Variants in OSBPL10 observed in about 807,000 individuals in gnomAD.
The protein encoded by OSBPL10 is oxysterol binding protein like 10, also known as oxysterol-binding protein-related protein 10.
In OSBPL10, 49 loss-of-function variants were observed where a neutral mutation model predicts 81.7. The observed-to-expected ratio is 0.60, with a 90% CI of 0.48 to 0.76. The LOEUF is 0.76. Among genes scored for constraint, OSBPL10 ranks in the 30% least tolerant of loss-of-function variants. The pLI, the probability that OSBPL10 is intolerant of heterozygous loss-of-function variation, is 0.00. For missense variants in OSBPL10, 923 were observed against 987.8 expected (o/e 0.93, Z 0.88); for synonymous variants, 419 against 383.6 (o/e 1.09, Z -1.08).
intron 2 of OSBPL10, among the ~76,000 whole-genome samples, chr3:32,034,418 G>A (rs975743953): frequency 1.3e-4 from 19 of 147,196 alleles, no homozygotes; most frequent in African/African-American, 4.8e-4. Context: ...TCCAGCCTCG[G>A]TGACAGAGCG....
At chr3:31,991,197 G>T (rs753901570) in intron 2 of OSBPL10, 1 of 551,126 alleles carries the variant, frequency 1.8e-6, no homozygotes, top group Non-Finnish European at 3.2e-6. Flanking sequence ...TGTAATCCCA[G>T]CACTGTGGGA....
At chr3:31,744,019 C>T (rs918291646) in intron 5 of OSBPL10, among the ~76,000 whole-genome samples, 3 of 152,194 alleles carry the variant, frequency 2.0e-5, no homozygotes, top group African/African-American at 7.2e-5. Flanking sequence ...ATTTTAACTG[C>T]AGCCAACTAT....
intron 1 of OSBPL10, among the ~76,000 whole-genome samples, chr3:31,891,695 GC>G: frequency 6.6e-6 from 1 of 152,284 alleles, no homozygotes; most frequent in Middle Eastern, 3.4e-3. Context: ...GGGTGCCAGT[GC>G]CACGGAAATA....
At chr3:31,794,838 G>A in intron 4 of OSBPL10, 1 of 368,820 alleles carries the variant, frequency 2.7e-6, no homozygotes, top group Non-Finnish European at 5.4e-6. Context: ...ACAGGAGTGG[G>A]GCATGTGGGA....
rs561423564 is a variant in OSBPL10 at position 31,763,444 on chromosome 3, A to G, written c.730-15324T>C. ...ACCTTTGTTCACTCATACTCCACACACATATCTCAAAGAACCTCTAAGTGT... is the reference window on the plus strand; with the variant it reads ...ACCTTTGTTCACTCATACTCCACACGCATATCTCAAAGAACCTCTAAGTGT... On this transcript the variant is annotated intron_variant, in intron 4 of 11. Coordinates refer to ENST00000396556, the MANE Select transcript of OSBPL10 (RefSeq NM_017784.5). 1.2e-4 allele frequency among the ~76,000 whole-genome samples: 18 copies of G among 152,318 alleles called. No homozygotes were observed. In the South Asian group the frequency reaches 3.7e-3, roughly 32 times the overall value.
chr3:31,889,069 T>A (rs1418966224), intron 1 of OSBPL10, among the ~76,000 whole-genome samples: 1 of 152,118 alleles, frequency 6.6e-6, no homozygotes. Context: ...TCACTAATCA[T>A]TAGGAAAATG....
intron 1 of OSBPL10, among the ~76,000 whole-genome samples, chr3:31,910,607 G>A (rs1696546678): frequency 6.6e-6 from 1 of 151,910 alleles, no homozygotes; most frequent in African/African-American, 2.4e-5. Context: ...CTGCACTCCA[G>A]TCTGGGGGAC....
chr3:31,802,672 A>C (rs1002452140), intron 4 of OSBPL10, among the ~76,000 whole-genome samples: 2 of 151,706 alleles, frequency 1.3e-5, no homozygotes, highest in African/African-American at 4.8e-5. Flanking sequence ...TCCAGCTCTT[A>C]GTAGGGCATT....
intron 4 of OSBPL10, among the ~76,000 whole-genome samples, chr3:31,802,394 C>A (rs1472825718): frequency 2.0e-5 from 3 of 149,176 alleles, no homozygotes; most frequent in Non-Finnish European, 1.5e-5. Context: ...CCCATCTCTA[C>A]TAAAAAAAAA....
intron 7 of OSBPL10, among the ~76,000 whole-genome samples, chr3:31,686,774 TC>T (rs1700802014): frequency 6.6e-6 from 1 of 152,162 alleles, no homozygotes; most frequent in African/African-American, 2.4e-5. Context: ...CTCTATTACT[TC>T]CTATGCCTTT....
intron 4 of OSBPL10, among the ~76,000 whole-genome samples, chr3:31,750,730 T>C (rs941031984): frequency 6.6e-6 from 1 of 152,138 alleles, no homozygotes; most frequent in Non-Finnish European, 1.5e-5. Context: ...CATGATGCAT[T>C]ATGTTTTTAT....
intron 8 of OSBPL10, among the ~76,000 whole-genome samples, chr3:31,675,745 A>C (rs1700452256): frequency 6.9e-6 from 1 of 145,686 alleles, no homozygotes. Flanking sequence ...GGAGATCAAG[A>C]CCATCCTGGC....
chr3:32,070,851 C>T (rs939892778), intron 1 of OSBPL10, among the ~76,000 whole-genome samples: 6 of 152,102 alleles, frequency 3.9e-5, no homozygotes, highest in African/African-American at 1.4e-4. Flanking sequence ...TTCACTCTTC[C>T]CCTACACCCC....
chr3:31,783,712 A>G (rs1698763257), intron 4 of OSBPL10, among the ~76,000 whole-genome samples: 1 of 143,294 alleles, frequency 7.0e-6, no homozygotes, highest in Non-Finnish European at 1.5e-5. Context: ...AATCATTTGA[A>G]CCTGAGAGGC....
upstream of OSBPL10, among the ~76,000 whole-genome samples, chr3:31,983,077 C>T (rs964305270): frequency 6.6e-6 from 1 of 152,202 alleles, no homozygotes; most frequent in African/African-American, 2.4e-5. Flanking sequence ...ACAGCAGATC[C>T]TAAGCCAGTT....
intron 4 of OSBPL10, among the ~76,000 whole-genome samples, chr3:31,804,230 A>G (rs947629062): frequency 3.3e-5 from 5 of 152,210 alleles, no homozygotes; most frequent in African/African-American, 1.2e-4. Context: ...TTATATCAAC[A>G]CGAATCATGT....
intron 1 of OSBPL10, among the ~76,000 whole-genome samples, chr3:31,937,578 A>C (rs1288580114): frequency 6.6e-6 from 1 of 152,018 alleles, no homozygotes; most frequent in African/African-American, 2.4e-5. Context: ...TCCTGTCCAA[A>C]GTTCAAGCCC....
At chr3:31,897,725 C>T (rs1416416994) in intron 1 of OSBPL10, among the ~76,000 whole-genome samples, 3 of 151,928 alleles carry the variant, frequency 2.0e-5, no homozygotes, top group South Asian at 2.1e-4. Flanking sequence ...AGAAGAGAAA[C>T]GAGGCCAGGC....
At chr3:31,707,955 A>G (rs1280053683) in intron 6 of OSBPL10, among the ~76,000 whole-genome samples, 1 of 152,132 alleles carries the variant, frequency 6.6e-6, no homozygotes, top group Non-Finnish European at 1.5e-5. Context: ...AGAGATTGGA[A>G]GAGTAGGCAA....
Sources: allele counts gnomAD v4.1 joint callset (sites outside exome capture counted in the v4.1 genomes callset), GRCh38; gene constraint gnomAD v4.1.1; transcripts MANE v1.5; gene names NCBI Gene and HGNC (gene_info 2026-07-23, HGNC 2026-07-21).